SEMA3C: variants seen among roughly 807,000 people sequenced by gnomAD.
SEMA3C encodes semaphorin-3C.
A neutral mutation model predicts 89.4 loss-of-function variants in SEMA3C; 47 were observed. The observed-to-expected ratio is 0.53, with a 90% CI of 0.42 to 0.67. The LOEUF (loss-of-function observed/expected upper bound fraction) is 0.67, where lower values mean the gene tolerates loss of function less well. SEMA3C is among the 30% of genes least tolerant of loss of function. SEMA3C has a pLI of 0.00. For missense variants in SEMA3C, 839 were observed against 929.1 expected, an observed-to-expected ratio of 0.90 and a Z score of 1.26; for synonymous variants, 310 against 320.2, an observed-to-expected ratio of 0.97 and a Z score of 0.34.
chr7:80,843,798 A>G (rs1790326675), intron 2 of SEMA3C, among the ~76,000 whole-genome samples: 1 of 152,210 alleles, frequency 6.6e-6, no homozygotes, highest in South Asian at 2.1e-4. Flanking sequence ...CCATTATGAT[A>G]TCTCAAGATT....
chr7:80,843,975 T>C lies in SEMA3C; in HGVS notation c.104-15230A>G, dbSNP rs372563689. ...AGAAGAGTTTACAAGCACTACCTCATTTACTCTCTACAAAAATGTTATTAA... is the reference window on the plus strand; with the variant it reads ...AGAAGAGTTTACAAGCACTACCTCACTTACTCTCTACAAAAATGTTATTAA... On this transcript the variant is annotated intron_variant, in intron 2 of 17. Coordinates refer to ENST00000265361, the MANE Select transcript of SEMA3C (RefSeq NM_006379.5). Among the ~76,000 whole-genome samples the C allele has an allele frequency of 3.3e-5, 5 of 152,244 alleles. No individual in the cohort carries two copies. In the South Asian group the frequency reaches 6.2e-4, roughly 19 times the overall value.
intron 16 of SEMA3C, 31 bp downstream of exon 16, chr7:80,751,238 A>G: frequency 1.3e-6 from 2 of 1,567,712 alleles, no homozygotes; most frequent in South Asian, 2.2e-5. Context: ...GCTACTGTTC[A>G]CTGAGATTGG....
intron 2 of SEMA3C, among the ~76,000 whole-genome samples, chr7:80,830,046 G>A (rs1789974915): frequency 6.6e-6 from 1 of 152,160 alleles, no homozygotes; most frequent in African/African-American, 2.4e-5. Context: ...TATATTCCAT[G>A]AGTACTTGGG....
chr7:80,758,307 T>C (rs1463279915), intron 15 of SEMA3C, 24 bp downstream of exon 15: 2 of 1,598,406 alleles, frequency 1.3e-6, no homozygotes, highest in South Asian at 1.1e-5. Context: ...CATTTGGATG[T>C]TGAGCCGAGT....
intron 12 of SEMA3C, among the ~76,000 whole-genome samples, chr7:80,776,899 A>G (rs1027218165): frequency 6.6e-6 from 1 of 152,282 alleles, no homozygotes; most frequent in African/African-American, 2.4e-5. Flanking sequence ...TGAACAGAAC[A>G]GTATTGGACA....
chr7:80,838,628 T>C (rs948051647), intron 2 of SEMA3C, among the ~76,000 whole-genome samples: 7 of 152,164 alleles, frequency 4.6e-5, no homozygotes, highest in African/African-American at 1.7e-4. Context: ...GGGCAATTCA[T>C]ATACAAGAGG....
At chr7:80,919,174 C>G (rs1792353528), upstream of SEMA3C, 5 of 984,818 alleles carry the variant, frequency 5.1e-6, no homozygotes, top group Non-Finnish European at 6.0e-6. Flanking sequence ...CGCGCAGCCC[C>G]GGCCGCATCT....
intron 5 of SEMA3C, among the ~76,000 whole-genome samples, chr7:80,811,993 C>T (rs773347282): frequency 2.2e-4 from 33 of 152,198 alleles, no homozygotes; most frequent in Non-Finnish European, 4.1e-4. Context: ...ACATCTATTA[C>T]ATTCTCTGTA....
chr7:80,750,435 CATAT>C (rs71520704), intron 16 of SEMA3C, among the ~76,000 whole-genome samples: 1,001 of 70,914 alleles, frequency 0.014, 19 homozygotes, highest in Admixed American at 0.034. Flanking sequence ...TACATACGTA[CATAT>C]ATATATATAT....
chr7:80,745,360 A>T (rs1787777199), intron 17 of SEMA3C, 53 bp from the exon 18 acceptor site: 2 of 1,520,470 alleles, frequency 1.3e-6, no homozygotes, highest in Admixed American at 3.5e-5. Context: ...ATTTCCTTAG[A>T]TTATGACCAA....
chr7:80,835,137 C>CA (rs1470613571), intron 2 of SEMA3C, among the ~76,000 whole-genome samples: 1 of 152,014 alleles, frequency 6.6e-6, no homozygotes, highest in African/African-American at 2.4e-5. Context: ...AATCAATTCC[C>CA]AGGAGTCCCT....
intron 15 of SEMA3C, among the ~76,000 whole-genome samples, chr7:80,753,905 C>A (rs1296528822): frequency 6.6e-6 from 1 of 151,202 alleles, no homozygotes; most frequent in Non-Finnish European, 1.5e-5. Context: ...GAAAAAAATG[C>A]TTTTATTGTT....
At chr7:80,883,356 T>C (rs566396054) in intron 2 of SEMA3C, among the ~76,000 whole-genome samples, 15 of 152,334 alleles carry the variant, frequency 9.8e-5, no homozygotes, top group African/African-American at 3.6e-4. Flanking sequence ...CAGGACCCCT[T>C]ATTCCAATCA....
intron 2 of SEMA3C, among the ~76,000 whole-genome samples, chr7:80,835,083 C>G (rs1196160400): frequency 1.3e-5 from 2 of 152,004 alleles, no homozygotes; most frequent in Non-Finnish European, 2.9e-5. Flanking sequence ...TTGTCTTCAG[C>G]CTTTTATAAA....
intron 12 of SEMA3C, among the ~76,000 whole-genome samples, chr7:80,769,509 AT>A (rs1432610543): frequency 1.7e-4 from 26 of 152,298 alleles, no homozygotes; most frequent in Admixed American, 1.6e-3. Flanking sequence ...AACATACTTT[AT>A]GCATACCATT....
At chr7:80,791,917 T>C (rs1045193820) in intron 11 of SEMA3C, among the ~76,000 whole-genome samples, 4 of 152,172 alleles carry the variant, frequency 2.6e-5, no homozygotes, top group African/African-American at 4.8e-5. Context: ...GCATCATGAG[T>C]GCAATATTGA....
chr7:80,825,242 G>T (rs971578023), intron 4 of SEMA3C, among the ~76,000 whole-genome samples: 2 of 152,022 alleles, frequency 1.3e-5, no homozygotes, highest in South Asian at 2.1e-4. Context: ...GTATGAAATG[G>T]GATGGATTTG....
chr7:80,776,597 T>C lies in SEMA3C; in HGVS notation c.1355-11354A>G, dbSNP rs1037853190. Among the ~76,000 whole-genome samples, 3 of 152,320 alleles carry C rather than the reference T, an allele frequency of 2.0e-5. 1 individual carries two copies. The highest frequency in any genetic ancestry group is 7.2e-5 in the African/African-American group (3 of 41,576). ...GTCTCTTCACCTGTTACATAAATTA[T>C]TTATATACTTTTGTTATACACACCA... On this transcript the variant is annotated intron_variant, in intron 12 of 17. Coordinates refer to ENST00000265361, the MANE Select transcript of SEMA3C (RefSeq NM_006379.5).
chr7:80,806,489 C>T (rs1183393882), intron 6 of SEMA3C, among the ~76,000 whole-genome samples: 4 of 152,038 alleles, frequency 2.6e-5, no homozygotes, highest in Non-Finnish European at 4.4e-5. Context: ...ACTTTTTCAA[C>T]TGCAACTCAG....
Sources: gnomAD v4.1 joint callset for allele counts (sites outside exome capture counted in the v4.1 genomes callset) on GRCh38, gnomAD v4.1.1 for gene constraint, MANE v1.5 for transcripts, NCBI Gene and HGNC (gene_info 2026-07-23, HGNC 2026-07-21) for gene names.